ADTRP: variants seen among roughly 807,000 people sequenced by gnomAD.
ADTRP encodes androgen dependent TFPI regulating protein.
A neutral mutation model predicts 27.0 loss-of-function variants in ADTRP; 20 were observed. The ratio of observed to expected loss-of-function variants is 0.74; its 90% CI spans 0.52 to 1.08. The LOEUF is 1.08. Ranked by LOEUF, ADTRP falls within the 50% of genes least tolerant of loss-of-function variation. The probability of loss-of-function intolerance (pLI) is 0.00; values close to 1 mark genes in which losing one functional copy is unlikely to be tolerated. For synonymous variants in ADTRP, 101 were observed against 105.2 expected (o/e 0.96, Z 0.25); for missense variants, 251 against 275.0 (o/e 0.91, Z 0.62).
intron 1 of ADTRP, among the ~76,000 whole-genome samples, chr6:11,775,489 G>A (rs889053517): frequency 9.9e-5 from 15 of 152,068 alleles, no homozygotes; most frequent in African/African-American, 3.4e-4. Flanking sequence ...CCCAGAGATC[G>A]CAATTGTAAC....
intron 3 of ADTRP, chr6:11,755,228 A>G (rs910438965): frequency 3.8e-6 from 1 of 263,724 alleles, no homozygotes; most frequent in African/African-American, 2.3e-5. Context: ...ATCACTAAAA[A>G]CCTTTGACCT....
At chr6:11,737,875 T>G (rs1762598462) in intron 3 of ADTRP, among the ~76,000 whole-genome samples, 1 of 152,196 alleles carries the variant, frequency 6.6e-6, no homozygotes, top group African/African-American at 2.4e-5. Flanking sequence ...CGTCGCACCT[T>G]GCATATTTCT....
chr6:11,727,621 TTC>T (rs1030787151), intron 4 of ADTRP, among the ~76,000 whole-genome samples: 19 of 152,282 alleles, frequency 1.2e-4, no homozygotes, highest in African/African-American at 4.6e-4. Flanking sequence ...CTTGGAAAAT[TTC>T]TGTTTACTTC....
At chr6:11,729,123 C>T (rs1228307917) in intron 4 of ADTRP, among the ~76,000 whole-genome samples, 3 of 152,084 alleles carry the variant, frequency 2.0e-5, no homozygotes, top group African/African-American at 4.8e-5. Context: ...AGAGAAATAC[C>T]GACGTCTGTG....
In ADTRP at chr6:11,748,045, G is replaced by C. The variant is rs185587622; in HGVS notation, c.391-12362C>G. Among the ~76,000 whole-genome samples, 41 of 152,284 alleles carry C rather than the reference G, an allele frequency of 2.7e-4. No individual in the cohort carries two copies. In the East Asian group the frequency reaches 6.9e-3, roughly 26 times the overall value. The stretch of plus-strand genomic sequence containing the variant: ...TTCTGCCAGAGAGTATATGCTTTTA[G>C]CTACCGCACCAATCAGAACAGACAT... On this transcript the variant is annotated intron_variant, in intron 3 of 5. Coordinates refer to ENST00000414691, the MANE Select transcript of ADTRP (RefSeq NM_032744.4).
intron 3 of ADTRP, among the ~76,000 whole-genome samples, chr6:11,741,416 T>C (rs9368855): frequency 0.32 from 48,197 of 152,104 alleles, 9,118 homozygotes; most frequent in Non-Finnish European, 0.43. Flanking sequence ...GGGGGAAACA[T>C]GAATAGTCTT....
intron 3 of ADTRP, among the ~76,000 whole-genome samples, chr6:11,759,350 C>T (rs1334862873): frequency 6.6e-6 from 1 of 152,184 alleles, no homozygotes; most frequent in Admixed American, 6.5e-5. Flanking sequence ...TATCAATATC[C>T]TTTGAGATCT....
intron 2 of ADTRP, among the ~76,000 whole-genome samples, chr6:11,767,209 C>A (rs770581076): frequency 4.4e-4 from 67 of 152,032 alleles, no homozygotes; most frequent in Non-Finnish European, 9.0e-4. Flanking sequence ...ATGTCTCTAC[C>A]AAAAATACAA....
intron 3 of ADTRP, among the ~76,000 whole-genome samples, chr6:11,756,766 C>A (rs1763226461): frequency 6.6e-6 from 1 of 152,092 alleles, no homozygotes; most frequent in Non-Finnish European, 1.5e-5. Context: ...AGGTTTATGA[C>A]TTTGGATCAT....
chr6:11,738,317 G>T (rs1269679452), intron 3 of ADTRP, among the ~76,000 whole-genome samples: 1 of 152,156 alleles, frequency 6.6e-6, no homozygotes, highest in Admixed American at 6.5e-5. Context: ...TCCCTCCCCA[G>T]CCCACAGCTG....
At chr6:11,739,803 G>A (rs210890) in intron 3 of ADTRP, among the ~76,000 whole-genome samples, 125,081 of 152,116 alleles carry the variant, frequency 0.82, 51,612 homozygotes, top group East Asian at 1. Context: ...AATCATTGAG[G>A]TAACACATGG....
rs769708295 is a variant in ADTRP at position 11,778,801 on chromosome 6, T to C, written c.-42A>G. 4.4e-6 allele frequency: 7 copies of C among 1,598,820 alleles called. No individual in the cohort carries two copies. Among genetic ancestry groups the C allele is most frequent in the Admixed American group, 1.7e-5 (1 of 59,178 alleles). On this transcript the variant is annotated 5_prime_UTR_variant, in exon 1 of 6. Coordinates refer to ENST00000414691, the MANE Select transcript of ADTRP (RefSeq NM_032744.4). ...GGCACCGTGAATGTCTTGAGTACTT[T>C]CTGGCGTCCTTCTGTGGGTCACAGC...
At chr6:11,767,956 T>A (rs1410571563) in intron 2 of ADTRP, among the ~76,000 whole-genome samples, 1 of 152,224 alleles carries the variant, frequency 6.6e-6, no homozygotes, top group Non-Finnish European at 1.5e-5. Flanking sequence ...ACCAAGGTTG[T>A]CTCAGTTGTA....
At chr6:11,755,317 G>A (rs1763181387) in intron 3 of ADTRP, among the ~76,000 whole-genome samples, 1 of 152,000 alleles carries the variant, frequency 6.6e-6, no homozygotes, top group Non-Finnish European at 1.5e-5. Context: ...GGAAATCACT[G>A]AATAATGGAA....
intron 1 of ADTRP, among the ~76,000 whole-genome samples, chr6:11,768,754 A>G (rs1763655679): frequency 6.6e-6 from 1 of 152,176 alleles, no homozygotes. Context: ...AGGCAGATAC[A>G]GGGTGGACAG....
At chr6:11,776,498 A>G (rs1178727629) in intron 1 of ADTRP, among the ~76,000 whole-genome samples, 1 of 152,274 alleles carries the variant, frequency 6.6e-6, no homozygotes, top group Non-Finnish European at 1.5e-5. Context: ...AGAGGGAATT[A>G]GAAAACAATA....
chr6:11,769,213 T>G (rs549975519), intron 1 of ADTRP, among the ~76,000 whole-genome samples: 2 of 152,298 alleles, frequency 1.3e-5, no homozygotes, highest in South Asian at 4.1e-4. Context: ...TAAGTTAGGC[T>G]TGCGACAGAA....
At chr6:11,742,777 G>A (rs1171568651) in intron 3 of ADTRP, among the ~76,000 whole-genome samples, 1 of 152,182 alleles carries the variant, frequency 6.6e-6, no homozygotes. Context: ...CCAGTGAGGA[G>A]GTAATATTTT....
chr6:11,726,285 G>T (rs951525643), intron 4 of ADTRP, among the ~76,000 whole-genome samples: 3 of 152,128 alleles, frequency 2.0e-5, no homozygotes, highest in African/African-American at 7.2e-5. Flanking sequence ...TTGTTTGTTC[G>T]TACCAAAACT....
Sources: allele counts gnomAD v4.1 joint callset (sites outside exome capture counted in the v4.1 genomes callset), GRCh38; gene constraint gnomAD v4.1.1; transcripts MANE v1.5; gene names NCBI Gene and HGNC (gene_info 2026-07-23, HGNC 2026-07-21).